Variants in ITGBL1 observed in about 807,000 individuals in gnomAD.
ITGBL1 encodes the protein integrin subunit beta like 1.
In ITGBL1, 51 loss-of-function variants were observed where a neutral mutation model predicts 68.5. The ratio of observed to expected loss-of-function variants is 0.74; its 90% CI spans 0.59 to 0.94. The LOEUF is 0.94. ITGBL1 is among the 40% of genes least tolerant of loss of function. The pLI is 0.00. For missense variants in ITGBL1, 649 were observed against 647.4 expected, an observed-to-expected ratio of 1.00 and a Z score of -0.03; for synonymous variants, 209 against 227.3, an observed-to-expected ratio of 0.92 and a Z score of 0.72.
At chr13:101,530,379 T>C (rs1008597851) in intron 2 of ITGBL1, among the ~76,000 whole-genome samples, 1 of 152,134 alleles carries the variant, frequency 6.6e-6, no homozygotes, top group African/African-American at 2.4e-5. Context: ...GTAATTATAA[T>C]AATATTAGCA....
At chr13:101,647,584 G>A (rs2032602656) in intron 7 of ITGBL1, among the ~76,000 whole-genome samples, 1 of 152,204 alleles carries the variant, frequency 6.6e-6, no homozygotes, top group South Asian at 2.1e-4. Flanking sequence ...ATTTGGGTGT[G>A]CAATTCTTCC....
chr13:101,488,192 A>C (rs947694875), intron 2 of ITGBL1, among the ~76,000 whole-genome samples: 1 of 152,260 alleles, frequency 6.6e-6, no homozygotes, highest in Non-Finnish European at 1.5e-5. Context: ...TTGAGGGAGT[A>C]TACAATTCCA....
chr13:101,571,148 A>G (rs923311314), intron 3 of ITGBL1, among the ~76,000 whole-genome samples: 1 of 152,024 alleles, frequency 6.6e-6, no homozygotes, highest in Non-Finnish European at 1.5e-5. Flanking sequence ...TGCATGTCCC[A>G]TTTTCACAGG....
intron 7 of ITGBL1, among the ~76,000 whole-genome samples, chr13:101,677,542 T>C (rs1354114550): frequency 6.6e-6 from 1 of 152,178 alleles, no homozygotes; most frequent in Non-Finnish European, 1.5e-5. Context: ...TTATAAGTGG[T>C]AGATAGGGAA....
chr13:101,591,856 C>T (rs1427560654), intron 6 of ITGBL1, among the ~76,000 whole-genome samples: 1 of 152,082 alleles, frequency 6.6e-6, no homozygotes, highest in East Asian at 1.9e-4. Context: ...TGAGTAGCTT[C>T]ATGTTTATTA....
At chr13:101,605,299 T>G (rs1168187694) in intron 7 of ITGBL1, among the ~76,000 whole-genome samples, 1 of 131,292 alleles carries the variant, frequency 7.6e-6, no homozygotes, top group Non-Finnish European at 1.6e-5. Context: ...TATATACACA[T>G]ATATAGGCAT....
At chr13:101,627,402 C>T (rs1223665158) in intron 7 of ITGBL1, among the ~76,000 whole-genome samples, 4 of 152,102 alleles carry the variant, frequency 2.6e-5, no homozygotes, top group African/African-American at 9.7e-5. Context: ...GTCATCATCC[C>T]CCACCCCACC....
At chr13:101,557,454 CAA>C (rs2050026401) in intron 2 of ITGBL1, among the ~76,000 whole-genome samples, 1 of 152,130 alleles carries the variant, frequency 6.6e-6, no homozygotes, top group Non-Finnish European at 1.5e-5. Context: ...TAAAAATGGT[CAA>C]GTTTCTATTT....
chr13:101,588,297 T>TTGTGTGTGTGTG (rs10661136), intron 6 of ITGBL1, among the ~76,000 whole-genome samples: 2,268 of 149,584 alleles, frequency 0.015, 30 homozygotes, highest in East Asian at 0.052. Flanking sequence ...TATTCTTCCA[T>TTGTGTGTGTGTG]TGTGTGTGTG....
intron 7 of ITGBL1, among the ~76,000 whole-genome samples, chr13:101,683,471 G>A (rs923724314): frequency 5.9e-5 from 9 of 152,030 alleles, no homozygotes; most frequent in South Asian, 2.1e-4. Context: ...TAAGTATTCC[G>A]TAATTGATGA....
At chr13:101,578,880 C>T (rs987731952) in intron 4 of ITGBL1, among the ~76,000 whole-genome samples, 9 of 152,118 alleles carry the variant, frequency 5.9e-5, no homozygotes, top group Admixed American at 3.9e-4. Context: ...GGTAAATATG[C>T]ACCATTGGTT....
At chr13:101,530,839 A>G (rs1320137012) in intron 2 of ITGBL1, among the ~76,000 whole-genome samples, 1 of 152,224 alleles carries the variant, frequency 6.6e-6, no homozygotes, top group Non-Finnish European at 1.5e-5. Context: ...GTAAGCAGCA[A>G]CAGTTTCTAA....
intron 4 of ITGBL1, 78 bp downstream of exon 4, chr13:101,575,624 T>G (rs533328211): frequency 7.0e-7 from 1 of 1,426,986 alleles, no homozygotes; most frequent in East Asian, 2.3e-5. Context: ...TATCTCTACA[T>G]AAGTTTCTGC....
intron 7 of ITGBL1, among the ~76,000 whole-genome samples, chr13:101,604,887 T>TATGTATATATATATATACAC: frequency 0.075 from 1,668 of 22,182 alleles, 152 homozygotes; most frequent in Middle Eastern, 0.17. Context: ...TATATATATA[T>TATGTATATATATATATACAC]ACACACACAC....
Position 101,530,095 on chromosome 13 carries a change from G to A in ITGBL1, c.317-37604G>A, listed in dbSNP as rs547150513. ...ACAACCAAAATGCCTAGAGAGAAGA[G>A]ACAGGTGGTACACATTAAACACTGG... On this transcript the variant is annotated intron_variant, in intron 2 of 10. Coordinates refer to ENST00000376180, the MANE Select transcript of ITGBL1 (RefSeq NM_004791.3). Among the ~76,000 whole-genome samples, 5 of 152,266 alleles carry A rather than the reference G, an allele frequency of 3.3e-5. No homozygotes were observed. The East Asian group carries it at 9.7e-4, about 29-fold the overall frequency.
intron 7 of ITGBL1, among the ~76,000 whole-genome samples, chr13:101,620,872 A>G (rs2031552538): frequency 6.6e-6 from 1 of 152,134 alleles, no homozygotes; most frequent in Non-Finnish European, 1.5e-5. Flanking sequence ...TCCATGGTAA[A>G]TGTGCCTGTC....
chr13:101,574,786 A>G (rs561265767), intron 3 of ITGBL1, among the ~76,000 whole-genome samples: 4 of 152,154 alleles, frequency 2.6e-5, no homozygotes, highest in African/African-American at 9.6e-5. Context: ...CCAGATGACT[A>G]CCATGCCTCT....
At chr13:101,556,519 C>A (rs182109891) in intron 2 of ITGBL1, among the ~76,000 whole-genome samples, 1 of 152,242 alleles carries the variant, frequency 6.6e-6, no homozygotes, top group African/African-American at 2.4e-5. Flanking sequence ...CCTGTAATCC[C>A]AGCTACTCGG....
chr13:101,528,602 T>C (rs1335989716), intron 2 of ITGBL1, among the ~76,000 whole-genome samples: 1 of 152,032 alleles, frequency 6.6e-6, no homozygotes, highest in Non-Finnish European at 1.5e-5. Flanking sequence ...GCTTAAAATA[T>C]TTTTTAAATT....
Sources: allele counts gnomAD v4.1 joint callset (sites outside exome capture counted in the v4.1 genomes callset), GRCh38; gene constraint gnomAD v4.1.1; transcripts MANE v1.5; gene names NCBI Gene and HGNC (gene_info 2026-07-23, HGNC 2026-07-21).